The following PDE7B variants were observed in gnomAD, a reference collection of about 807,000 sequenced individuals.
The protein encoded by PDE7B is 3',5'-cyclic-AMP phosphodiesterase 7B.
Under a neutral mutation model 56.2 loss-of-function variants are expected in PDE7B, and 29 were observed. The ratio of observed to expected loss-of-function variants is 0.52; its 90% CI spans 0.38 to 0.70. PDE7B has a LOEUF of 0.70. Ranked by LOEUF, PDE7B falls within the 30% of genes least tolerant of loss-of-function variation. PDE7B has a pLI of 0.00. For missense variants in PDE7B, 490 were observed against 565.0 expected (o/e 0.87, Z 1.35); for synonymous variants, 197 against 196.9 (o/e 1.00, Z 0.00).
At chr6:135,939,002 AC>A (rs1380571936) in intron 1 of PDE7B, among the ~76,000 whole-genome samples, 1 of 152,260 alleles carries the variant, frequency 6.6e-6, no homozygotes, top group Non-Finnish European at 1.5e-5. Flanking sequence ...CTCTCTGGAG[AC>A]CGCTGCTGCT....
intron 2 of PDE7B, among the ~76,000 whole-genome samples, chr6:136,031,097 C>T (rs190112244): frequency 1.3e-5 from 2 of 152,226 alleles, no homozygotes; most frequent in Admixed American, 6.5e-5. Context: ...ATTTGGCCTG[C>T]GCCAGCATGA....
At chr6:136,134,224 G>A (rs894072860) in intron 3 of PDE7B, among the ~76,000 whole-genome samples, 4 of 152,074 alleles carry the variant, frequency 2.6e-5, no homozygotes, top group Admixed American at 6.6e-5. Flanking sequence ...AAGGAGAGAA[G>A]CAGTTGTAGT....
chr6:136,079,169 CA>C (rs1197259572), intron 2 of PDE7B, among the ~76,000 whole-genome samples: 1 of 152,088 alleles, frequency 6.6e-6, no homozygotes, highest in African/African-American at 2.4e-5. Flanking sequence ...ATCACTTTCA[CA>C]TCATCATAAA....
chr6:135,996,154 C>T (rs1266952188), intron 2 of PDE7B, among the ~76,000 whole-genome samples: 1 of 152,064 alleles, frequency 6.6e-6, no homozygotes, highest in Non-Finnish European at 1.5e-5. Context: ...ATAGGCAAAC[C>T]TAAATAAATA....
chr6:135,858,516 C>T (rs1239307040), intron 1 of PDE7B, among the ~76,000 whole-genome samples: 1 of 152,076 alleles, frequency 6.6e-6, no homozygotes, highest in African/African-American at 2.4e-5. Context: ...CTAAATTTCT[C>T]CCATGTACCT....
At chr6:136,087,606 C>T (rs1777314144) in intron 2 of PDE7B, among the ~76,000 whole-genome samples, 1 of 152,118 alleles carries the variant, frequency 6.6e-6, no homozygotes, top group Admixed American at 6.5e-5. Flanking sequence ...AATCATTAAC[C>T]TAGATAAGCA....
In PDE7B at chr6:135,916,392, C is replaced by CTTTTTT. The variant is rs566408380; in HGVS notation, c.22-31059_22-31054dup. Among the ~76,000 whole-genome samples, 761 of 96,260 alleles carry CTTTTTT rather than the reference C, an allele frequency of 7.9e-3. 18 individuals carry two copies. Among genetic ancestry groups the CTTTTTT allele is most frequent in the East Asian group, 0.024 (64 of 2,620 alleles). 63.2% of individuals were successfully genotyped at this position (96,260 alleles called of 152,430 possible). On this transcript the variant is annotated intron_variant, in intron 1 of 12. Transcript: ENST00000308191. ...TTTTTTCTTTTCTTTTCTTTTCTTTCTTTTTTTTTTTTTTTTTTGAGATGG... is the reference window on the plus strand; with the variant it reads ...TTTTTTCTTTTCTTTTCTTTTCTTTCTTTTTTTTTTTTTTTTTTTTTTTTGAGATGG...
chr6:135,916,975 G>A lies in PDE7B; in HGVS notation c.22-30489G>A, dbSNP rs541889913. Among the ~76,000 whole-genome samples the A allele has an allele frequency of 2.6e-5, 4 of 152,126 alleles. No homozygotes were observed. The South Asian group carries it at 8.3e-4, about 32-fold the overall frequency. On this transcript the variant is annotated intron_variant, in intron 1 of 12. Coordinates refer to ENST00000308191, the MANE Select transcript of PDE7B (RefSeq NM_018945.4). ...TTGAATTTATCAAAAAATACTTATA[G>A]TTCATCCTTTCTGTGTTCTATGTAA...
chr6:136,145,623 C>T (rs934382875), intron 3 of PDE7B, among the ~76,000 whole-genome samples: 3 of 152,108 alleles, frequency 2.0e-5, no homozygotes. Context: ...CTTCATGGTA[C>T]CTGACCCATT....
intron 2 of PDE7B, among the ~76,000 whole-genome samples, chr6:136,067,976 GA>G (rs774577453): frequency 3.8e-4 from 58 of 152,102 alleles, no homozygotes; most frequent in Non-Finnish European, 7.5e-4. Context: ...TCCTTCAGAA[GA>G]AAAAAATGAA....
intron 2 of PDE7B, among the ~76,000 whole-genome samples, chr6:135,987,200 C>A (rs975443196): frequency 4.6e-5 from 7 of 152,158 alleles, no homozygotes; most frequent in Non-Finnish European, 7.3e-5. Context: ...CAATAAAGAA[C>A]AGAATTTGGC....
intron 3 of PDE7B, among the ~76,000 whole-genome samples, chr6:136,117,864 T>G (rs1342820855): frequency 2.0e-5 from 3 of 152,158 alleles, no homozygotes; most frequent in Non-Finnish European, 4.4e-5. Context: ...TCTTCTACCA[T>G]GGTTGCCCCA....
At chr6:136,086,212 G>A (rs991732443) in intron 2 of PDE7B, among the ~76,000 whole-genome samples, 3 of 152,140 alleles carry the variant, frequency 2.0e-5, no homozygotes, top group Admixed American at 6.5e-5. Flanking sequence ...TGTGCTTGGC[G>A]AATATTCTAG....
chr6:136,105,840 C>T lies in PDE7B; in HGVS notation c.83-2891C>T, dbSNP rs558100977. On this transcript the variant is annotated intron_variant, in intron 2 of 12. Transcript: ENST00000308191. ...CAGTTTCCCTAAATCTAAAACTTTA[C>T]GTAATAATGGGCCTCCGCTGCCCTA... 9.2e-5 allele frequency among the ~76,000 whole-genome samples: 14 copies of T among 152,256 alleles called. No homozygotes were observed. The South Asian group carries it at 1.0e-3, about 11-fold the overall frequency.
At chr6:136,012,365 A>T (rs1775909979) in intron 2 of PDE7B, among the ~76,000 whole-genome samples, 1 of 152,220 alleles carries the variant, frequency 6.6e-6, no homozygotes, top group African/African-American at 2.4e-5. Context: ...TAAGAGGAGA[A>T]ATCAAGATTC....
chr6:136,115,564 C>A (rs1240208599), intron 3 of PDE7B, among the ~76,000 whole-genome samples: 1 of 152,162 alleles, frequency 6.6e-6, no homozygotes, highest in African/African-American at 2.4e-5. Flanking sequence ...CAAAAAGAAA[C>A]CATTTTCACC....
rs569492203 is a variant in PDE7B at position 136,000,045 on chromosome 6, C to T, written c.82+52521C>T. Among the ~76,000 whole-genome samples the T allele has an allele frequency of 7.8e-4, 119 of 152,218 alleles. 1 individual carries two copies. The highest frequency in any genetic ancestry group is 1.2e-3 in the Admixed American group (18 of 15,292). On this transcript the variant is annotated intron_variant, in intron 2 of 12. Transcript: ENST00000308191. ...TTAAGCTTTTTGGCCACATGTATGT[C>T]TTTAGAAAAGTGTTCATGTCCTTTG... is the stretch of plus-strand genomic sequence containing the variant.
intron 9 of PDE7B, among the ~76,000 whole-genome samples, chr6:136,176,690 T>C (rs1374913386): frequency 6.6e-6 from 1 of 152,172 alleles, no homozygotes; most frequent in Non-Finnish European, 1.5e-5. Context: ...GTTCATCAAA[T>C]GCTTTTTCCA....
chr6:136,015,622 C>G (rs1775966018), intron 2 of PDE7B, among the ~76,000 whole-genome samples: 1 of 152,114 alleles, frequency 6.6e-6, no homozygotes, highest in South Asian at 2.1e-4. Context: ...GGGAAATTGT[C>G]AACTATGAAA....
Sources: allele counts gnomAD v4.1 joint callset (sites outside exome capture counted in the v4.1 genomes callset), GRCh38; gene constraint gnomAD v4.1.1; transcripts MANE v1.5; gene names NCBI Gene and HGNC (gene_info 2026-07-23, HGNC 2026-07-21).